Variants in KLKB1 observed in about 807,000 individuals in gnomAD.
KLKB1 encodes plasma kallikrein.
KLKB1 carries 58 observed loss-of-function variants against 73.6 expected under a neutral mutation model. That is an observed-to-expected ratio of 0.79 (90% confidence interval 0.64 to 0.98). KLKB1 has a LOEUF of 0.98. Among genes scored for constraint, KLKB1 ranks in the 50% least tolerant of loss-of-function variants. The probability of loss-of-function intolerance (pLI) is 0.00; values close to 1 mark genes in which losing one functional copy is unlikely to be tolerated. For synonymous variants in KLKB1, 280 were observed against 258.1 expected (o/e 1.08, Z -0.81); for missense variants, 737 against 763.8 (o/e 0.96, Z 0.41).
chr4:186,223,892 G>T (rs1214586320), upstream of KLKB1, among the ~76,000 whole-genome samples: 2 of 152,202 alleles, frequency 1.3e-5, no homozygotes, highest in African/African-American at 4.8e-5. Context: ...GGTCTTCAAG[G>T]CAGCCCCTCC....
chr4:186,219,160 T>G (rs1181957270), intron 2 of KLKB1, among the ~76,000 whole-genome samples: 1 of 152,068 alleles, frequency 6.6e-6, no homozygotes, highest in Non-Finnish European at 1.5e-5. Flanking sequence ...AGATTGAGGG[T>G]GGGTCTGCCT....
intron 5 of KLKB1, among the ~76,000 whole-genome samples, chr4:186,237,153 C>A (rs1737739544): frequency 6.6e-6 from 1 of 152,132 alleles, no homozygotes; most frequent in Non-Finnish European, 1.5e-5. Context: ...GGCTAGAGTG[C>A]AGTGGCGTAA....
Position 186,228,178 on chromosome 4 carries a change from A to G in KLKB1, c.-1-17A>G. The stretch of plus-strand genomic sequence containing the variant: ...TGGTCTAAAACCAGCAGAGTTATGT[A>G]TTGTTTTCTTTTTTAGAATGATTTT... On this transcript the variant is annotated splice_polypyrimidine_tract_variant and intron_variant, in intron 1 of 14. Coordinates refer to ENST00000264690, the MANE Select transcript of KLKB1 (RefSeq NM_000892.5). 1 of 1,408,140 alleles carries G rather than the reference A, an allele frequency of 7.1e-7. No individual in the cohort carries two copies. The allele number at this position is 1,408,140 out of a possible 1,614,324, so 87.2% of individuals were successfully genotyped here.
intron 6 of KLKB1, among the ~76,000 whole-genome samples, chr4:186,246,092 G>A (rs979386472): frequency 2.0e-5 from 3 of 152,090 alleles, no homozygotes; most frequent in East Asian, 1.9e-4. Context: ...TTGGGCAGGT[G>A]GGGGAGGGCT....
At chr4:186,223,420 A>G (rs997865439), upstream of KLKB1, among the ~76,000 whole-genome samples, 4 of 152,230 alleles carry the variant, frequency 2.6e-5, no homozygotes, top group Non-Finnish European at 5.9e-5. Context: ...AAATGCTGAT[A>G]GTCGTATTGA....
In KLKB1 at chr4:186,248,595, A is replaced by ATTTTTTTTTT. The variant is rs138717531; in HGVS notation, c.599-1638_599-1629dup. 1.7e-4 allele frequency among the ~76,000 whole-genome samples: 19 copies of ATTTTTTTTTT among 114,906 alleles called. 1 individual carries two copies. Among genetic ancestry groups the ATTTTTTTTTT allele is most frequent in the African/African-American group, 4.6e-4 (13 of 28,006 alleles). The allele number at this position is 114,906 out of a possible 152,430, so 75.4% of individuals were successfully genotyped here. ...TGATGAACATTTGAGTTGTTTCTGG[A>ATTTTTTTTTT]TTTTTTTTTTTTTTTTTTTGCCTCT... On this transcript the variant is annotated intron_variant, in intron 6 of 14. Coordinates refer to ENST00000264690, the MANE Select transcript of KLKB1 (RefSeq NM_000892.5).
At chr4:186,226,658 T>C (rs1033327409), upstream of KLKB1, among the ~76,000 whole-genome samples, 6 of 152,120 alleles carry the variant, frequency 3.9e-5, no homozygotes, top group Admixed American at 2.6e-4. Flanking sequence ...CCTGAGTTCA[T>C]GGGGATAGGC....
chr4:186,231,396 G>T (rs1737393604), intron 2 of KLKB1, among the ~76,000 whole-genome samples: 1 of 152,238 alleles, frequency 6.6e-6, no homozygotes, highest in South Asian at 2.1e-4. Flanking sequence ...GTGGGGTGCA[G>T]TATATTTTAG....
intron 14 of KLKB1, among the ~76,000 whole-genome samples, 182 bp from the exon 15 acceptor site, chr4:186,257,839 C>T (rs1425299488): frequency 6.6e-6 from 1 of 151,668 alleles, no homozygotes; most frequent in African/African-American, 2.4e-5. Context: ...AGGTGGATCA[C>T]TTGAGCCTAG....
At chr4:186,214,913 T>C (rs1484915655) in intron 2 of KLKB1, among the ~76,000 whole-genome samples, 1 of 152,246 alleles carries the variant, frequency 6.6e-6, no homozygotes, top group African/African-American at 2.4e-5. Flanking sequence ...GATAAGTTTT[T>C]GGCACGTTCT....
intron 6 of KLKB1, among the ~76,000 whole-genome samples, chr4:186,239,151 T>C (rs1343372787): frequency 7.3e-6 from 1 of 137,686 alleles, no homozygotes; most frequent in African/African-American, 2.9e-5. Context: ...ACAGTGATAC[T>C]GTTAGAGTTA....
chr4:186,251,475 T>C lies in KLKB1; in HGVS notation c.869-12T>C. The C allele has an allele frequency of 6.2e-7, 1 of 1,612,652 alleles. No individual in the cohort carries two copies. On this transcript the variant is annotated splice_polypyrimidine_tract_variant and intron_variant, in intron 8 of 14. Coordinates refer to ENST00000264690, the MANE Select transcript of KLKB1 (RefSeq NM_000892.5). The stretch of plus-strand genomic sequence containing the variant: ...CCCATCTGATATCTTTTTGTGTTTA[T>C]AATTGACACAGAACCCTGCCATTCT...
chr4:186,211,679 A>G (rs895343664), intron 2 of KLKB1: 5 of 81,894 alleles, frequency 6.1e-5, no homozygotes, highest in Non-Finnish European at 8.5e-5. Context: ...ACACACACAC[A>G]CACACACACA....
At chr4:186,232,646 G>A (rs886096395) in intron 3 of KLKB1, among the ~76,000 whole-genome samples, 2 of 152,214 alleles carry the variant, frequency 1.3e-5, no homozygotes, top group Admixed American at 1.3e-4. Context: ...TAAAGAAACA[G>A]ATTTAACTGT....
At chr4:186,228,966 T>C (rs768441700) in intron 2 of KLKB1, 2 of 152,222 alleles carry the variant, frequency 1.3e-5, no homozygotes, top group Non-Finnish European at 2.9e-5. Context: ...TCCTCAGATG[T>C]ATGGCTACAA....
chr4:186,233,880 T>C, intron 3 of KLKB1, 72 bp from the exon 4 acceptor site: 2 of 1,041,294 alleles, frequency 1.9e-6, no homozygotes, highest in Non-Finnish European at 1.5e-6. Context: ...TGTTAGTGTG[T>C]AGAAAATGCT....
chr4:186,231,123 A>C (rs1210452496), intron 2 of KLKB1, among the ~76,000 whole-genome samples: 1 of 152,152 alleles, frequency 6.6e-6, no homozygotes, highest in Non-Finnish European at 1.5e-5. Context: ...TCCAGTGCTT[A>C]ATAAAATGCA....
intron 2 of KLKB1, among the ~76,000 whole-genome samples, chr4:186,216,964 C>T (rs1398058963): frequency 2.6e-5 from 4 of 152,226 alleles, no homozygotes; most frequent in Non-Finnish European, 4.4e-5. Context: ...TTGCTTTTCT[C>T]ATGTAACATA....
At chr4:186,216,723 A>T (rs1305538332) in intron 2 of KLKB1, among the ~76,000 whole-genome samples, 3 of 152,190 alleles carry the variant, frequency 2.0e-5, no homozygotes, top group Non-Finnish European at 2.9e-5. Context: ...TCTTGTCCAG[A>T]GATGACTCTC....
Sources: gnomAD v4.1 joint callset for allele counts (sites outside exome capture counted in the v4.1 genomes callset) on GRCh38, gnomAD v4.1.1 for gene constraint, MANE v1.5 for transcripts, NCBI Gene and HGNC (gene_info 2026-07-23, HGNC 2026-07-21) for gene names.